The following SAMTOR variants were observed in gnomAD, a reference collection of about 807,000 sequenced individuals.
SAMTOR encodes UPF0532 protein C7orf60.
At chr7:112,919,768 T>C in the SAMTOR span, among the ~76,000 whole-genome samples, 1 of 151,552 alleles carries the variant, frequency 6.6e-6, no homozygotes, top group African/African-American at 2.4e-5. Flanking sequence ...AAAGGGGATA[T>C]CACCACCGAT....
chr7:112,894,476 CA>C, the SAMTOR span, among the ~76,000 whole-genome samples: 1 of 152,128 alleles, frequency 6.6e-6, no homozygotes, highest in African/African-American at 2.4e-5. Context: ...CTGATAAAGA[CA>C]TCTCTGAGCC....
chr7:112,919,955 C>A, the SAMTOR span, among the ~76,000 whole-genome samples: 1 of 152,078 alleles, frequency 6.6e-6, no homozygotes, highest in African/African-American at 2.4e-5. Flanking sequence ...TGGCAATAAT[C>A]AATAGCTTAC....
At chr7:112,915,381 A>G in the SAMTOR span, 1 of 1,613,688 alleles carries the variant, frequency 6.2e-7, no homozygotes, top group Non-Finnish European at 8.5e-7. Flanking sequence ...TTTCATTGCA[A>G]CGGCATATTC....
the SAMTOR span, among the ~76,000 whole-genome samples, chr7:112,909,073 G>C: frequency 6.6e-6 from 1 of 152,204 alleles, no homozygotes; most frequent in Non-Finnish European, 1.5e-5. Context: ...GTTCTAGAAA[G>C]TTCACTGCCC....
the SAMTOR span, among the ~76,000 whole-genome samples, chr7:112,877,465 A>G: frequency 6.6e-6 from 1 of 152,222 alleles, no homozygotes; most frequent in Admixed American, 6.5e-5. Context: ...TAGAACGTAT[A>G]GGTGAAATAC....
the SAMTOR span, among the ~76,000 whole-genome samples, chr7:112,856,254 C>CT: frequency 5.6e-4 from 80 of 141,922 alleles, no homozygotes; most frequent in Middle Eastern, 3.6e-3. Flanking sequence ...CTTTTTTTTT[C>CT]TTTTTTTTTT....
chr7:112,902,429 C>CAAAAAAAAAAAAAAAAAAAAAAAA, the SAMTOR span, among the ~76,000 whole-genome samples: 1 of 58,578 alleles, frequency 1.7e-5, no homozygotes, highest in Non-Finnish European at 2.8e-5. Context: ...AAAAAAAAAA[C>CAAAAAAAAAAAAAAAAAAAAAAAA]AAAAAAAAAC....
the SAMTOR span, among the ~76,000 whole-genome samples, chr7:112,928,525 T>C: frequency 1.3e-5 from 2 of 152,004 alleles, no homozygotes. Context: ...ATTTACAATT[T>C]GTATAAATTA....
chr7:112,891,654 T>C, the SAMTOR span, among the ~76,000 whole-genome samples: 3 of 152,188 alleles, frequency 2.0e-5, no homozygotes, highest in African/African-American at 4.8e-5. Flanking sequence ...AGTTACAAAA[T>C]TTTTTTGGTT....
the SAMTOR span, among the ~76,000 whole-genome samples, chr7:112,922,511 G>A: frequency 6.6e-6 from 1 of 151,378 alleles, no homozygotes; most frequent in African/African-American, 2.4e-5. Flanking sequence ...AGGAAGTGAG[G>A]AGCGCCTCTT....
At chr7:112,856,150 A>C in the SAMTOR span, among the ~76,000 whole-genome samples, 13 of 152,200 alleles carry the variant, frequency 8.5e-5, no homozygotes, top group African/African-American at 3.1e-4. Context: ...TTTTGATTGG[A>C]CTGTTACAAA....
At chr7:112,826,332 T>A in the SAMTOR span, among the ~76,000 whole-genome samples, 2 of 152,198 alleles carry the variant, frequency 1.3e-5, no homozygotes, top group Admixed American at 6.5e-5. Flanking sequence ...AACTGCCAAT[T>A]CATAATTTCT....
chr7:112,830,274 T>C, the SAMTOR span, among the ~76,000 whole-genome samples: 1 of 152,142 alleles, frequency 6.6e-6, no homozygotes, highest in Non-Finnish European at 1.5e-5. Context: ...ATTTCGAATA[T>C]TTTGTTGCTT....
the SAMTOR span, chr7:112,939,746 T>G: frequency 2.5e-6 from 4 of 1,597,556 alleles, no homozygotes; most frequent in African/African-American, 1.3e-5. Flanking sequence ...GGCCCCTGGC[T>G]CCATATCGCA....
chr7:112,887,629 T>A, the SAMTOR span, among the ~76,000 whole-genome samples: 1 of 152,344 alleles, frequency 6.6e-6, no homozygotes, highest in East Asian at 1.9e-4. Flanking sequence ...GTAATAGATA[T>A]AGGCTTTCCA....
the SAMTOR span, among the ~76,000 whole-genome samples, chr7:112,900,944 T>G: frequency 1.3e-5 from 2 of 152,164 alleles, no homozygotes; most frequent in Non-Finnish European, 2.9e-5. Context: ...GTCTAAAAGG[T>G]AACATAGGAG....
chr7:112,905,645 C>G, the SAMTOR span, among the ~76,000 whole-genome samples: 16 of 152,156 alleles, frequency 1.1e-4, no homozygotes, highest in Non-Finnish European at 2.1e-4. Context: ...ATATAATTCA[C>G]TATATTCATA....
chr7:112,899,734 A>C, the SAMTOR span, among the ~76,000 whole-genome samples: 1 of 147,212 alleles, frequency 6.8e-6, no homozygotes, highest in Non-Finnish European at 1.5e-5. Context: ...CACACTTCTC[A>C]GTGGAAACCT....
the SAMTOR span, among the ~76,000 whole-genome samples, chr7:112,909,564 C>A: frequency 6.6e-6 from 1 of 152,014 alleles, no homozygotes. Context: ...ATATTCTGAT[C>A]CTTGGTGGGA....
Sources: allele counts gnomAD v4.1 joint callset (sites outside exome capture counted in the v4.1 genomes callset), GRCh38; gene constraint gnomAD v4.1.1; transcripts MANE v1.5; gene names NCBI Gene and HGNC (gene_info 2026-07-23, HGNC 2026-07-21).